L3MBTL3: variants seen among roughly 807,000 people sequenced by gnomAD.
The protein encoded by L3MBTL3 is L3MBTL histone methyl-lysine binding protein 3, also known as lethal(3)malignant brain tumor-like protein 3.
Under a neutral mutation model 102.3 loss-of-function variants are expected in L3MBTL3, and 27 were observed. The ratio of observed to expected loss-of-function variants is 0.26; its 90% CI spans 0.19 to 0.36. The LOEUF (loss-of-function observed/expected upper bound fraction) is 0.36, where lower values mean the gene tolerates loss of function less well. L3MBTL3 is among the 10% of genes least tolerant of loss of function. The pLI is 1.00. For missense variants in L3MBTL3, 798 were observed against 955.3 expected (o/e 0.84, Z 2.17); for synonymous variants, 340 against 320.9 (o/e 1.06, Z -0.64).
At chr6:130,055,467 C>CCTCCCTCCTTCT (rs1781407002) in intron 8 of L3MBTL3, among the ~76,000 whole-genome samples, 3 of 94,858 alleles carry the variant, frequency 3.2e-5, no homozygotes, top group South Asian at 8.2e-4. Context: ...GAACTGTCTT[C>CCTCCCTCCTTCT]CTCCCTCCCT....
At chr6:130,124,093 C>G (rs941027421) in intron 20 of L3MBTL3, among the ~76,000 whole-genome samples, 2 of 152,202 alleles carry the variant, frequency 1.3e-5, no homozygotes, top group African/African-American at 4.8e-5. Flanking sequence ...CTTAGCCCAT[C>G]CCACAAGTTG....
chr6:130,131,944 C>T (rs111496468), intron 20 of L3MBTL3, among the ~76,000 whole-genome samples: 2 of 152,322 alleles, frequency 1.3e-5, no homozygotes, highest in Admixed American at 6.5e-5. Context: ...CTTAGAATGC[C>T]TTAACCATCT....
intron 13 of L3MBTL3, among the ~76,000 whole-genome samples, chr6:130,075,865 A>G (rs1463785235): frequency 2.0e-5 from 3 of 152,206 alleles, no homozygotes; most frequent in African/African-American, 7.2e-5. Context: ...GTAAAAGGAA[A>G]ATTTGATACG....
chr6:130,136,254 T>C (rs1787644119), intron 22 of L3MBTL3, among the ~76,000 whole-genome samples: 1 of 152,170 alleles, frequency 6.6e-6, no homozygotes, highest in South Asian at 2.1e-4. Flanking sequence ...ACTCCTCTGT[T>C]CAGGTCCTTC....
chr6:130,052,231 C>T (rs780099649), intron 6 of L3MBTL3, among the ~76,000 whole-genome samples: 5 of 152,026 alleles, frequency 3.3e-5, no homozygotes, highest in South Asian at 2.1e-4. Flanking sequence ...CTCAGCCTCC[C>T]GAGTAGCTGG....
chr6:130,069,020 C>T (rs1782456326), intron 12 of L3MBTL3, among the ~76,000 whole-genome samples: 1 of 152,196 alleles, frequency 6.6e-6, no homozygotes, highest in African/African-American at 2.4e-5. Flanking sequence ...AACCAAAATG[C>T]CATCTTTACA....
At chr6:130,069,489 C>CATGCGT (rs1368949457) in intron 12 of L3MBTL3, among the ~76,000 whole-genome samples, 3 of 152,186 alleles carry the variant, frequency 2.0e-5, no homozygotes, top group African/African-American at 7.2e-5. Flanking sequence ...TGTTTGTGTG[C>CATGCGT]ATGCGTATGT....
In L3MBTL3 at chr6:130,141,263, C is replaced by T. The variant is rs1203290414; in HGVS notation, c.*1510C>T. 1 of 152,124 alleles carries T rather than the reference C, an allele frequency of 6.6e-6. No homozygotes were observed. The highest frequency in any genetic ancestry group is 1.9e-4 in the East Asian group (1 of 5,204). The allele number at this position is 152,124 out of a possible 1,614,324, so 9.4% of individuals were successfully genotyped here. ...TCCATTAGCAGTCCTTTGCATTTGCCAATTCAAGGTAAAACAGGGTCAGTG... is the reference window on the plus strand; with the variant it reads ...TCCATTAGCAGTCCTTTGCATTTGCTAATTCAAGGTAAAACAGGGTCAGTG... On this transcript the variant is annotated 3_prime_UTR_variant, in exon 23 of 23. Transcript: ENST00000361794.
chr6:130,059,599 A>G (rs1441539767), intron 9 of L3MBTL3, among the ~76,000 whole-genome samples: 1 of 152,238 alleles, frequency 6.6e-6, no homozygotes, highest in African/African-American at 2.4e-5. Context: ...TTGTTGTATC[A>G]AAAAGAATTT....
chr6:130,066,225 A>T, intron 10 of L3MBTL3, 128 bp from the exon 11 acceptor site: 2 of 295,028 alleles, frequency 6.8e-6, no homozygotes. Flanking sequence ...ATTACTGTTA[A>T]TGTGGGTGGT....
At chr6:130,118,407 C>T (rs1183827089) in intron 19 of L3MBTL3, among the ~76,000 whole-genome samples, 1 of 152,156 alleles carries the variant, frequency 6.6e-6, no homozygotes, top group Admixed American at 6.5e-5. Flanking sequence ...ACTGTTTCCA[C>T]ATGTCTGGAT....
At chr6:130,090,079 G>A (rs1025783746) in intron 16 of L3MBTL3, among the ~76,000 whole-genome samples, 2 of 151,548 alleles carry the variant, frequency 1.3e-5, no homozygotes, top group Non-Finnish European at 2.9e-5. Flanking sequence ...CTTTTCTTGG[G>A]GTATTCTCTT....
At chr6:130,064,179 G>A (rs2114940910) in intron 10 of L3MBTL3, among the ~76,000 whole-genome samples, 1 of 152,256 alleles carries the variant, frequency 6.6e-6, no homozygotes, top group Admixed American at 6.5e-5. Context: ...ATTTTGCAAA[G>A]GATATCAGGG....
intron 16 of L3MBTL3, 24 bp downstream of exon 16, chr6:130,086,274 G>C: frequency 6.8e-7 from 1 of 1,469,762 alleles, no homozygotes; most frequent in East Asian, 2.3e-5. Flanking sequence ...GTGGGGGGTT[G>C]GCTTTGTCTT....
In L3MBTL3 at chr6:130,051,407, A is replaced by C; in HGVS notation, c.448A>C (p.Lys150Gln). 1 of 1,612,022 alleles carries C rather than the reference A, an allele frequency of 6.2e-7. No homozygotes were observed. ...GAATTGTGCTCGGCACATCAAAGAT[A>C]AGTAGGTTTTTGCCCCATTCCATCT... The part of the protein sequence containing the change: ...SQNCARHIKD[K>Q]DQKEERDVEE... Residue 150 changes from lysine (K) to glutamine (Q), a missense_variant and splice_region_variant, in exon 6 of 23, where the codon AAA (lysine) becomes CAA (glutamine). Lys to Gln is a moderately conservative substitution (Grantham distance 53). Around this residue, in one of 4 missense-constraint regions of L3MBTL3, gnomAD observed 434 missense variants for 506.6 expected, o/e 0.86. Transcript: ENST00000361794.
intron 14 of L3MBTL3, among the ~76,000 whole-genome samples, chr6:130,081,992 G>A (rs568473148): frequency 6.6e-6 from 1 of 152,272 alleles, no homozygotes; most frequent in East Asian, 1.9e-4. Context: ...ATTTGAGTAG[G>A]ATTGGTATTT....
At chr6:130,060,460 C>T (rs549380442) in intron 10 of L3MBTL3, among the ~76,000 whole-genome samples, 3 of 151,890 alleles carry the variant, frequency 2.0e-5, no homozygotes, top group East Asian at 3.9e-4. Flanking sequence ...CCAACAGATA[C>T]TTGTGTGTGT....
intron 1 of L3MBTL3, among the ~76,000 whole-genome samples, chr6:130,021,320 G>C (rs1779000274): frequency 6.6e-6 from 1 of 152,190 alleles, no homozygotes; most frequent in African/African-American, 2.4e-5. Context: ...AGTAATTAGA[G>C]GACCTGAGCG....
intron 19 of L3MBTL3, among the ~76,000 whole-genome samples, chr6:130,113,902 A>G (rs1437740463): frequency 6.6e-6 from 1 of 152,254 alleles, no homozygotes; most frequent in Non-Finnish European, 1.5e-5. Flanking sequence ...CAAATAGAAT[A>G]AAATCAATTT....
Sources: gnomAD v4.1 joint callset for allele counts (sites outside exome capture counted in the v4.1 genomes callset) on GRCh38, gnomAD v4.1.1 for gene constraint, gnomAD v4.1.1 regional missense constraint, MANE v1.5 for transcripts, NCBI Gene and HGNC (gene_info 2026-07-23, HGNC 2026-07-21) for gene names.